The following BANP variants were observed in gnomAD, a reference collection of about 807,000 sequenced individuals.
BANP encodes the protein protein BANP.
BANP carries 11 observed loss-of-function variants against 68.1 expected under a neutral mutation model. The ratio of observed to expected loss-of-function variants is 0.16; its 90% CI spans 0.10 to 0.27. The LOEUF (loss-of-function observed/expected upper bound fraction) is 0.27, where lower values mean the gene tolerates loss of function less well. Ranked by LOEUF, BANP falls within the 10% of genes least tolerant of loss-of-function variation. The pLI is 1.00. For missense variants in BANP, 504 were observed against 722.7 expected (o/e 0.70, Z 3.47); for synonymous variants, 329 against 303.2 (o/e 1.09, Z -0.88).
chr16:88,059,394 T>C (rs1457311583), intron 11 of BANP, among the ~76,000 whole-genome samples: 1 of 152,086 alleles, frequency 6.6e-6, no homozygotes, highest in Non-Finnish European at 1.5e-5. Context: ...TCTGCTTCTT[T>C]TCATAAGGCC....
At chr16:88,035,917 T>C (rs2079229531) in intron 10 of BANP, among the ~76,000 whole-genome samples, 1 of 152,174 alleles carries the variant, frequency 6.6e-6, no homozygotes, top group African/African-American at 2.4e-5. Context: ...GGGTCTGTGA[T>C]TGTCTCAGTT....
At chr16:88,012,367 G>T (rs2073387519) in intron 6 of BANP, among the ~76,000 whole-genome samples, 1 of 152,174 alleles carries the variant, frequency 6.6e-6, no homozygotes, top group Non-Finnish European at 1.5e-5. Flanking sequence ...TTAATTTTTG[G>T]CGTGGATGGC....
chr16:88,038,693 G>A (rs2080028564), intron 11 of BANP, among the ~76,000 whole-genome samples: 1 of 152,092 alleles, frequency 6.6e-6, no homozygotes, highest in East Asian at 1.9e-4. Flanking sequence ...GTGCTCCGAC[G>A]GTGCGGGTCC....
chr16:88,011,854 A>G (rs1471462011), intron 6 of BANP, among the ~76,000 whole-genome samples: 1 of 150,148 alleles, frequency 6.7e-6, no homozygotes, highest in East Asian at 2.0e-4. Flanking sequence ...CCCTTTTCCC[A>G]TCCCAAATAT....
At chr16:87,971,459 G>C (rs2061109503) in intron 1 of BANP, among the ~76,000 whole-genome samples, 1 of 151,984 alleles carries the variant, frequency 6.6e-6, no homozygotes, top group African/African-American at 2.4e-5. Flanking sequence ...AAAATTCTTG[G>C]CTCACATATC....
chr16:87,996,217 C>T lies in BANP; in HGVS notation c.363-8078C>T, dbSNP rs534239005. ...TGGCTCTCTCGCCCCGTCATTTCCA[C>T]ATTTGACAGCTTTCATGGAGCCTAG... On this transcript the variant is annotated intron_variant, in intron 4 of 13. Transcript: ENST00000682872. Among the ~76,000 whole-genome samples the T allele has an allele frequency of 9.8e-4, 149 of 152,312 alleles. 1 individual carries two copies. Among genetic ancestry groups the T allele is most frequent in the Admixed American group, 2.2e-3 (33 of 15,308 alleles).
At chr16:87,974,943 G>A (rs1250827906) in intron 1 of BANP, 105 bp from the exon 2 acceptor site, 2 of 597,818 alleles carry the variant, frequency 3.3e-6, no homozygotes, top group Admixed American at 5.7e-5. Flanking sequence ...AAACTCCACA[G>A]ACGTTCGCGG....
chr16:87,961,138 G>A (rs1225296765), intron 1 of BANP, among the ~76,000 whole-genome samples: 2 of 152,204 alleles, frequency 1.3e-5, no homozygotes, highest in African/African-American at 2.4e-5. Context: ...GGATCTTAAA[G>A]CCATAAAGTG....
At chr16:88,040,524 C>A (rs1012576235) in intron 11 of BANP, among the ~76,000 whole-genome samples, 1 of 150,702 alleles carries the variant, frequency 6.6e-6, no homozygotes, top group African/African-American at 2.5e-5. Context: ...CCCATTCGCT[C>A]TCCTCCCCGT....
chr16:88,035,879 G>T (rs1276321076), intron 10 of BANP, among the ~76,000 whole-genome samples: 2 of 152,270 alleles, frequency 1.3e-5, no homozygotes, highest in Non-Finnish European at 2.9e-5. Flanking sequence ...AGTCCTGAGA[G>T]CTGCTCATAG....
At chr16:87,998,046 C>A (rs534329510) in intron 4 of BANP, among the ~76,000 whole-genome samples, 2 of 152,178 alleles carry the variant, frequency 1.3e-5, no homozygotes, top group East Asian at 3.8e-4. Flanking sequence ...TCTTTGCTTT[C>A]GGCACGCAGA....
intron 11 of BANP, among the ~76,000 whole-genome samples, chr16:88,042,284 T>C (rs528394936): frequency 6.6e-6 from 1 of 152,350 alleles, no homozygotes; most frequent in South Asian, 2.1e-4. Context: ...TTTGGGAAGA[T>C]GAGGTTCAGG....
chr16:87,989,828 T>C (rs1316132561), intron 4 of BANP, among the ~76,000 whole-genome samples: 18 of 57,302 alleles, frequency 3.1e-4, no homozygotes, highest in East Asian at 1.5e-3. Context: ...ACAGGGCGGG[T>C]GATGGGGGAT....
chr16:88,073,556 G>GGA (rs1189429515), intron 13 of BANP, among the ~76,000 whole-genome samples: 1 of 151,930 alleles, frequency 6.6e-6, no homozygotes, highest in African/African-American at 2.4e-5. Flanking sequence ...GTGAGGAGCG[G>GGA]GTGGGTGGGA....
chr16:87,997,917 C>T (rs916951400), intron 4 of BANP, among the ~76,000 whole-genome samples: 6 of 152,214 alleles, frequency 3.9e-5, no homozygotes, highest in Non-Finnish European at 8.8e-5. Flanking sequence ...CTTTAAGTCA[C>T]CTTTAGTTTA....
intron 11 of BANP, among the ~76,000 whole-genome samples, chr16:88,042,460 C>T (rs891141159): frequency 3.9e-5 from 6 of 152,168 alleles, no homozygotes; most frequent in African/African-American, 1.2e-4. Context: ...GCTGCCCAGC[C>T]ATGATGACCA....
At chr16:88,040,017 C>G (rs944891301) in intron 11 of BANP, among the ~76,000 whole-genome samples, 11 of 152,186 alleles carry the variant, frequency 7.2e-5, no homozygotes, top group African/African-American at 2.7e-4. Flanking sequence ...GCCTTGTGAA[C>G]TCTCATACGC....
chr16:88,070,616 G>C (rs74040297), intron 12 of BANP, among the ~76,000 whole-genome samples: 23,170 of 152,014 alleles, frequency 0.15, 2,319 homozygotes, highest in South Asian at 0.27. Flanking sequence ...TTCAGCTTTG[G>C]GGGGCACACC....
chr16:88,009,866 A>G (rs1284416816), intron 6 of BANP, among the ~76,000 whole-genome samples: 1 of 147,660 alleles, frequency 6.8e-6, no homozygotes, highest in African/African-American at 2.7e-5. Flanking sequence ...AGCAGTGAAC[A>G]GTAGACTGTG....
Sources: allele counts gnomAD v4.1 joint callset (sites outside exome capture counted in the v4.1 genomes callset), GRCh38; gene constraint gnomAD v4.1.1; transcripts MANE v1.5; gene names NCBI Gene and HGNC (gene_info 2026-07-23, HGNC 2026-07-21).